Variants in C21orf58 observed in about 807,000 individuals in gnomAD.
The protein encoded by C21orf58 is chromosome 21 open reading frame 58.
A neutral mutation model predicts 35.8 loss-of-function variants in C21orf58; 34 were observed. The observed-to-expected ratio is 0.95, with a 90% CI of 0.72 to 1.26. The LOEUF is 1.26. Ranked by LOEUF, C21orf58 falls within the 50% of genes most tolerant of loss-of-function variation. The pLI is 0.00. For missense variants in C21orf58, 440 were observed against 414.3 expected, an observed-to-expected ratio of 1.06 and a Z score of -0.54; for synonymous variants, 191 against 175.8, an observed-to-expected ratio of 1.09 and a Z score of -0.68.
intron 6 of C21orf58, among the ~76,000 whole-genome samples, chr21:46,310,673 G>A (rs2082639826): frequency 6.6e-6 from 1 of 151,272 alleles, no homozygotes. Flanking sequence ...GCAAAGCATG[G>A]TGGTGCAGGC....
chr21:46,310,245 G>C (rs1480828458), intron 6 of C21orf58, among the ~76,000 whole-genome samples: 2 of 152,102 alleles, frequency 1.3e-5, no homozygotes, highest in African/African-American at 4.8e-5. Flanking sequence ...GGGAGGCCAA[G>C]GCGGGTGGAT....
At chr21:46,319,232 T>C (rs4819236) in intron 1 of C21orf58, 127,743 of 152,290 alleles carry the variant, frequency 0.84, 53,966 homozygotes, top group African/African-American at 0.89. Context: ...GGGCGCACCT[T>C]ACTCCTGCTG....
intron 2 of C21orf58, 146 bp from the exon 3 acceptor site, chr21:46,317,414 G>C (rs1286072280): frequency 7.1e-7 from 1 of 1,407,770 alleles, no homozygotes; most frequent in South Asian, 1.3e-5. Flanking sequence ...CGGGAGTCAA[G>C]CCCCTCCGAG....
rs542477807 is a variant in C21orf58, at chr21:46,302,527, G to A, written c.771C>T (p.Val257=). The A allele has an allele frequency of 1.1e-5, 17 of 1,612,600 alleles. No homozygotes were observed. The South Asian group carries it at 1.9e-4, about 18-fold the overall frequency. The part of the protein sequence containing the change: ...LLQNAQVHQL[V]LQNWMLKALP... ...GGGCCTTGAGCATCCAGTTCTGCAG[G>A]ACCAACTGGTGCACCTGTGCGTTCT... Residue 257 remains valine, a synonymous_variant, in exon 7 of 8, where the codon GTC becomes GTT. Coordinates refer to ENST00000291691, the MANE Select transcript of C21orf58 (RefSeq NM_058180.5).
At chr21:46,320,979 G>A (rs1569141069) in intron 1 of C21orf58, among the ~76,000 whole-genome samples, 2 of 152,118 alleles carry the variant, frequency 1.3e-5, no homozygotes, top group Admixed American at 6.5e-5. Flanking sequence ...TTGCCTCCTC[G>A]GGATCTCTAG....
At chr21:46,304,748 G>T (rs1450356943) in intron 6 of C21orf58, among the ~76,000 whole-genome samples, 1 of 152,132 alleles carries the variant, frequency 6.6e-6, no homozygotes, top group Non-Finnish European at 1.5e-5. Context: ...CTAGGCATGC[G>T]TTCCATTAGA....
chr21:46,320,904 TAAG>T (rs1192681765), intron 1 of C21orf58: 1 of 152,194 alleles, frequency 6.6e-6, no homozygotes, highest in Non-Finnish European at 1.5e-5. Flanking sequence ...CTGACTGACT[TAAG>T]GAGAGACTTG....
chr21:46,302,392 C>T, intron 7 of C21orf58, 93 bp downstream of exon 7: 2 of 1,137,598 alleles, frequency 1.8e-6, no homozygotes, highest in Non-Finnish European at 2.5e-6. Context: ...CAGGAATGCC[C>T]TTTCAGAGCT....
chr21:46,317,399 A>G (rs1397917928), intron 2 of C21orf58, 131 bp from the exon 3 acceptor site: 1 of 1,504,702 alleles, frequency 6.6e-7, no homozygotes, highest in Non-Finnish European at 8.9e-7. Context: ...TCCAGGGCCA[A>G]CAGGCGGGAG....
chr21:46,312,406 C>A (rs2082772182), intron 5 of C21orf58, among the ~76,000 whole-genome samples: 1 of 152,144 alleles, frequency 6.6e-6, no homozygotes, highest in Non-Finnish European at 1.5e-5. Flanking sequence ...GCAACCTCCG[C>A]CTCCCAGGTT....
At position 46,301,699 on chromosome 21, in the gene C21orf58, T is replaced by C; in HGVS notation, c.*300A>G. Reference sequence around the variant, plus strand: ...AAGAGGGGGATCTGAGGCTCCCAGGTGGGCCGGCGCCGCCCTACAGGAAAG... The same window carrying C: ...AAGAGGGGGATCTGAGGCTCCCAGGCGGGCCGGCGCCGCCCTACAGGAAAG... On this transcript the variant is annotated 3_prime_UTR_variant, in exon 8 of 8. Coordinates refer to ENST00000291691, the MANE Select transcript of C21orf58 (RefSeq NM_058180.5). 1 of 1,164,390 alleles carries C rather than the reference T, an allele frequency of 8.6e-7. No homozygotes were observed. Among genetic ancestry groups the C allele is most frequent in the African/African-American group, 1.6e-5 (1 of 63,040 alleles). 72.1% of individuals were successfully genotyped at this position (1,164,390 alleles called of 1,614,324 possible).
Position 46,301,959 on chromosome 21 carries a change from G to T in C21orf58, c.*40C>A, listed in dbSNP as rs2082122348. The T allele has an allele frequency of 6.8e-7, 1 of 1,476,066 alleles. No homozygotes were observed. Among genetic ancestry groups the T allele is most frequent in the Non-Finnish European group, 9.0e-7 (1 of 1,115,000 alleles). 91.4% of individuals were successfully genotyped at this position (1,476,066 alleles called of 1,614,324 possible). Reference sequence around the variant, plus strand: ...AGCCCACAGCCCTGAGGAAGCCTGGGGGTGGAGGGTGCCCCGGCCAGGGTC... The same window carrying T: ...AGCCCACAGCCCTGAGGAAGCCTGGTGGTGGAGGGTGCCCCGGCCAGGGTC... On this transcript the variant is annotated 3_prime_UTR_variant, in exon 8 of 8. Coordinates refer to ENST00000291691, the MANE Select transcript of C21orf58 (RefSeq NM_058180.5).
chr21:46,316,009 G>A (rs1363009472), intron 3 of C21orf58, among the ~76,000 whole-genome samples: 1 of 152,074 alleles, frequency 6.6e-6, no homozygotes, highest in Non-Finnish European at 1.5e-5. Flanking sequence ...CCCTAGTCCG[G>A]GCGTGGTGGC....
Position 46,310,891 on chromosome 21 carries a change from CAG to C in C21orf58, c.721+563_721+564del, listed in dbSNP as rs930939997. On this transcript the variant is annotated intron_variant, in intron 6 of 7. Transcript: ENST00000291691. ...ATTATTATTATTATTATTTTTGAGA[CAG>C]AGTCTCACTCTGTCGCCCAGGATGG... Among the ~76,000 whole-genome samples, 4 of 151,800 alleles carry C rather than the reference CAG, an allele frequency of 2.6e-5. No homozygotes were observed. In the East Asian group the frequency reaches 5.8e-4, roughly 22 times the overall value.
In C21orf58 at chr21:46,301,975, G is replaced by T; in HGVS notation, c.*24C>A. The T allele has an allele frequency of 1.3e-6, 2 of 1,498,118 alleles. No homozygotes were observed. The highest frequency in any genetic ancestry group is 2.3e-5 in the Admixed American group (1 of 43,294). 92.8% of individuals were successfully genotyped at this position (1,498,118 alleles called of 1,614,324 possible). A position where few individuals can be genotyped will look rare whatever the true frequency, so the allele number is the denominator to read the frequency against. The stretch of plus-strand genomic sequence containing the variant: ...GAAGCCTGGGGGTGGAGGGTGCCCC[G>T]GCCAGGGTCTCTGTGACTCACACTC... On this transcript the variant is annotated 3_prime_UTR_variant, in exon 8 of 8. Coordinates refer to ENST00000291691, the MANE Select transcript of C21orf58 (RefSeq NM_058180.5).
chr21:46,317,881 G>A (rs1305638126), intron 2 of C21orf58, 131 bp downstream of exon 2: 12 of 982,744 alleles, frequency 1.2e-5, no homozygotes, highest in Admixed American at 2.6e-5. Context: ...GGATGGGTCC[G>A]CTGGGCTGCC....
chr21:46,302,505 C>A lies in C21orf58; in HGVS notation c.793G>T (p.Ala265Ser), dbSNP rs1281003912. 4 of 1,611,728 alleles carry A rather than the reference C, an allele frequency of 2.5e-6. No individual in the cohort carries two copies. Among genetic ancestry groups the A allele is most frequent in the Non-Finnish European group, 3.4e-6 (4 of 1,178,892 alleles). The change falls in exon 7 of 8, where the codon GCC becomes TCC. Residue 265 changes from alanine to serine, a missense_variant. By Grantham distance (99) the Ala-to-Ser change is moderately conservative (BLOSUM62 1). Coordinates refer to ENST00000291691, the MANE Select transcript of C21orf58 (RefSeq NM_058180.5). Reference protein sequence around the residue: ...QLVLQNWMLKALPPALQDPPH... With the variant: ...QLVLQNWMLKSLPPALQDPPH... ...CCTACCTGCAGGGCTGGGGGCAGGG[C>A]CTTGAGCATCCAGTTCTGCAGGACC...
At chr21:46,315,006 T>C (rs1331480065) in intron 4 of C21orf58, 126 bp from the exon 5 acceptor site, 1 of 1,549,410 alleles carries the variant, frequency 6.5e-7, no homozygotes, top group Non-Finnish European at 8.7e-7. Context: ...AGGATGGCCA[T>C]GACTGGAAGA....
Position 46,312,463 on chromosome 21 carries a change from C to T in C21orf58, c.610-896G>A, listed in dbSNP as rs531476811. On this transcript the variant is annotated intron_variant, in intron 5 of 7. Transcript: ENST00000291691. ...CCTCCCGAGTAGCTGGGATTACAGG[C>T]GCCTGCCACCACGCCCGGCTAATTT... is the stretch of plus-strand genomic sequence containing the variant. 3.7e-3 allele frequency among the ~76,000 whole-genome samples: 560 copies of T among 152,228 alleles called. 2 individuals are homozygous for T. The highest frequency in any genetic ancestry group is 0.013 in the African/African-American group (522 of 41,538).
Sources: gnomAD v4.1 joint callset for allele counts (sites outside exome capture counted in the v4.1 genomes callset) on GRCh38, gnomAD v4.1.1 for gene constraint, MANE v1.5 for transcripts, NCBI Gene and HGNC (gene_info 2026-07-23, HGNC 2026-07-21) for gene names.